TMCO4: variants seen among roughly 807,000 people sequenced by gnomAD.
TMCO4 encodes the protein transmembrane and coiled-coil domains 4, also known as transmembrane and coiled-coil domain-containing protein 4.
A neutral mutation model predicts 64.7 loss-of-function variants in TMCO4; 58 were observed. That is an observed-to-expected ratio of 0.90 (90% confidence interval 0.73 to 1.12). The LOEUF (loss-of-function observed/expected upper bound fraction) is 1.12, where lower values mean the gene tolerates loss of function less well. Among genes scored for constraint, TMCO4 ranks in the 50% most tolerant of loss-of-function variants. The probability of loss-of-function intolerance (pLI) is 0.00; values close to 1 mark genes in which losing one functional copy is unlikely to be tolerated. For synonymous variants in TMCO4, 325 were observed against 346.1 expected (o/e 0.94, Z 0.68); for missense variants, 780 against 825.9 (o/e 0.94, Z 0.68).
chr1:19,768,845 C>T (rs1292452799), intron 6 of TMCO4, among the ~76,000 whole-genome samples: 2 of 152,174 alleles, frequency 1.3e-5, no homozygotes, highest in Non-Finnish European at 2.9e-5. Flanking sequence ...CTGTATTTCT[C>T]ACAAACCTCC....
chr1:19,773,067 G>A (rs887129786), intron 4 of TMCO4, among the ~76,000 whole-genome samples: 13 of 152,148 alleles, frequency 8.5e-5, no homozygotes, highest in Non-Finnish European at 1.9e-4. Context: ...GCATGTACCT[G>A]TAGTCCCATA....
chr1:19,695,588 T>C (rs182208127), intron 14 of TMCO4, among the ~76,000 whole-genome samples: 1 of 152,298 alleles, frequency 6.6e-6, no homozygotes, highest in East Asian at 1.9e-4. Context: ...GGCTGAGAGA[T>C]AGGAGGCTGG....
chr1:19,740,269 C>T (rs1238230739), intron 11 of TMCO4, among the ~76,000 whole-genome samples: 1 of 152,190 alleles, frequency 6.6e-6, no homozygotes, highest in Non-Finnish European at 1.5e-5. Context: ...CCTCTAGACT[C>T]AGCCATGTGA....
At chr1:19,754,898 G>A (rs2042174402) in intron 7 of TMCO4, among the ~76,000 whole-genome samples, 1 of 152,008 alleles carries the variant, frequency 6.6e-6, no homozygotes, top group African/African-American at 2.4e-5. Flanking sequence ...TCCTGGGAGG[G>A]CACTATCCTT....
At position 19,740,825 on chromosome 1, in the gene TMCO4, G is replaced by C. The variant is rs771712993; in HGVS notation, c.994C>G (p.Leu332Val). The C allele has an allele frequency of 6.2e-7, 1 of 1,614,100 alleles. No homozygotes were observed. The highest frequency in any genetic ancestry group is 8.5e-7 in the Non-Finnish European group (1 of 1,179,992). ...GNALETILSG[L>V]ANMVAQEALK... ...GCCTCCTGGGCCACCATGTTGGCGA[G>C]ACCACTGAGGATGGTCTCCAGGGCA... Residue 332 changes from leucine to valine, a missense_variant, in exon 11 of 16, where the codon CTC becomes GTC. Coordinates refer to ENST00000294543, the MANE Select transcript of TMCO4 (RefSeq NM_181719.7).
chr1:19,771,806 G>A (rs61768332), intron 4 of TMCO4, among the ~76,000 whole-genome samples: 17,792 of 152,024 alleles, frequency 0.12, 1,137 homozygotes, highest in Non-Finnish European at 0.13. Flanking sequence ...ATAGGTGCCC[G>A]CCACCACGCT....
At chr1:19,737,224 T>C in intron 13 of TMCO4, 148 bp downstream of exon 13, 1 of 788,390 alleles carries the variant, frequency 1.3e-6, no homozygotes, top group Non-Finnish European at 2.0e-6. Flanking sequence ...ACGATTTTTC[T>C]TGATTTTTAA....
At chr1:19,747,940 T>C (rs752353894) in intron 7 of TMCO4, among the ~76,000 whole-genome samples, 3 of 152,182 alleles carry the variant, frequency 2.0e-5, no homozygotes, top group Non-Finnish European at 4.4e-5. Flanking sequence ...AAGTAGGAAC[T>C]CTGAACTGAG....
intron 13 of TMCO4, among the ~76,000 whole-genome samples, chr1:19,730,987 T>C (rs2095427659): frequency 6.6e-6 from 1 of 152,140 alleles, no homozygotes; most frequent in Non-Finnish European, 1.5e-5. Context: ...TGCAGATTAA[T>C]TGGGTGTTAA....
intron 4 of TMCO4, 38 bp downstream of exon 4, chr1:19,780,542 G>T: frequency 6.5e-7 from 1 of 1,547,754 alleles, no homozygotes; most frequent in Non-Finnish European, 8.7e-7. Flanking sequence ...TTCCCCTGAA[G>T]AAGCATGACC....
At chr1:19,686,018 C>T (rs1357253699) in intron 15 of TMCO4, among the ~76,000 whole-genome samples, 3 of 152,078 alleles carry the variant, frequency 2.0e-5, no homozygotes, top group Admixed American at 6.6e-5. Flanking sequence ...TGAGCCACTG[C>T]GCCCGGCCAT....
chr1:19,725,073 G>C (rs779670026), intron 13 of TMCO4, among the ~76,000 whole-genome samples: 11 of 152,154 alleles, frequency 7.2e-5, no homozygotes, highest in Non-Finnish European at 1.6e-4. Flanking sequence ...ATTCTCAGCT[G>C]GTTGCAATGA....
At chr1:19,777,887 G>A (rs187398172) in intron 4 of TMCO4, among the ~76,000 whole-genome samples, 250 of 152,220 alleles carry the variant, frequency 1.6e-3, no homozygotes, top group African/African-American at 5.7e-3. Context: ...AGAATAAAAA[G>A]TTAGCCAGGC....
chr1:19,711,517 C>T (rs2095330663), intron 13 of TMCO4, among the ~76,000 whole-genome samples: 1 of 152,168 alleles, frequency 6.6e-6, no homozygotes, highest in African/African-American at 2.4e-5. Context: ...CAGACAGGGT[C>T]TCGCTCTGTC....
At chr1:19,787,275 T>C (rs1028484793) in intron 2 of TMCO4, among the ~76,000 whole-genome samples, 158 bp from the exon 3 acceptor site, 19 of 152,200 alleles carry the variant, frequency 1.2e-4, no homozygotes, top group Admixed American at 1.2e-3. Context: ...TTCCTTGACG[T>C]GGGGTGCTCT....
At position 19,733,158 on chromosome 1, in the gene TMCO4, T is replaced by C. The variant is rs140688913; in HGVS notation, c.1264+4214A>G. The stretch of plus-strand genomic sequence containing the variant: ...TGCGGGCACGTGTAATCCCAGCTAC[T>C]TGGGAGGCTGAGGCAGGAGAATTGC... On this transcript the variant is annotated intron_variant, in intron 13 of 15. Coordinates refer to ENST00000294543, the MANE Select transcript of TMCO4 (RefSeq NM_181719.7). 0.035 allele frequency among the ~76,000 whole-genome samples: 5,355 copies of C among 151,924 alleles called. 607 individuals carry two copies. In the East Asian group the frequency reaches 0.46, roughly 13 times the overall value.
chr1:19,754,931 C>T (rs2042175872), intron 7 of TMCO4, among the ~76,000 whole-genome samples: 2 of 151,988 alleles, frequency 1.3e-5, no homozygotes, highest in South Asian at 4.2e-4. Context: ...CAGATAAGAA[C>T]ATTGCAGCTT....
intron 4 of TMCO4, among the ~76,000 whole-genome samples, chr1:19,774,015 G>T (rs1295256634): frequency 6.6e-6 from 1 of 152,168 alleles, no homozygotes; most frequent in East Asian, 1.9e-4. Flanking sequence ...TGCCTCACAG[G>T]TGAGTTGGGC....
chr1:19,709,742 AAAAC>A (rs949867857), intron 13 of TMCO4, among the ~76,000 whole-genome samples: 2 of 151,824 alleles, frequency 1.3e-5, no homozygotes, highest in African/African-American at 4.8e-5. Flanking sequence ...TTTTTGTATA[AAAAC>A]AAACAAACAA....
Sources: gnomAD v4.1 joint callset for allele counts (sites outside exome capture counted in the v4.1 genomes callset) on GRCh38, gnomAD v4.1.1 for gene constraint, MANE v1.5 for transcripts, NCBI Gene and HGNC (gene_info 2026-07-23, HGNC 2026-07-21) for gene names.